Variants in HPSE2 observed in about 807,000 individuals in gnomAD.
HPSE2 encodes the protein inactive heparanase-2.
A neutral mutation model predicts 60.5 loss-of-function variants in HPSE2; 38 were observed. The ratio of observed to expected loss-of-function variants is 0.63; its 90% CI spans 0.48 to 0.82. The LOEUF (loss-of-function observed/expected upper bound fraction) is 0.82. Among genes scored for constraint, HPSE2 ranks in the 40% least tolerant of loss-of-function variants. HPSE2 has a pLI of 0.00. For missense variants in HPSE2, 713 were observed against 740.4 expected, an observed-to-expected ratio of 0.96 and a Z score of 0.43; for synonymous variants, 295 against 293.2, an observed-to-expected ratio of 1.01 and a Z score of -0.06.
At chr10:98,597,818 A>T (rs1201804356) in intron 9 of HPSE2, among the ~76,000 whole-genome samples, 1 of 151,670 alleles carries the variant, frequency 6.6e-6, no homozygotes, top group African/African-American at 2.4e-5. Context: ...TAAAAATACA[A>T]AAATTAGCTG....
chr10:99,184,843 G>GCCT (rs1847939786), intron 2 of HPSE2, among the ~76,000 whole-genome samples: 1 of 103,214 alleles, frequency 9.7e-6, no homozygotes, highest in Non-Finnish European at 2.3e-5. Flanking sequence ...GAGAGAGAGA[G>GCCT]AGAGAGAGAG....
chr10:98,560,401 C>T (rs540419497), intron 9 of HPSE2, among the ~76,000 whole-genome samples: 102 of 152,296 alleles, frequency 6.7e-4, no homozygotes, highest in Admixed American at 2.2e-3. Flanking sequence ...TGGAGGAAGG[C>T]GCAAAGCCAC....
chr10:98,623,896 G>A (rs555391796), intron 7 of HPSE2, among the ~76,000 whole-genome samples: 1 of 152,212 alleles, frequency 6.6e-6, no homozygotes, highest in South Asian at 2.1e-4. Flanking sequence ...ACAAAGATCT[G>A]GGCTGGAGGA....
chr10:98,593,192 A>G (rs1317811610), intron 9 of HPSE2, among the ~76,000 whole-genome samples: 1 of 152,218 alleles, frequency 6.6e-6, no homozygotes, highest in African/African-American at 2.4e-5. Flanking sequence ...TAAATGTAAC[A>G]TATAATCAAA....
rs895645193 is a variant in HPSE2, at chr10:98,902,754, G to A, written c.611-158698C>T. Among the ~76,000 whole-genome samples, 5 of 152,226 alleles carry A rather than the reference G, an allele frequency of 3.3e-5. No individual in the cohort carries two copies. In the East Asian group the frequency reaches 9.6e-4, roughly 29 times the overall value. On this transcript the variant is annotated intron_variant, in intron 3 of 11. Coordinates refer to ENST00000370552, the MANE Select transcript of HPSE2 (RefSeq NM_021828.5). Reference sequence around the variant, plus strand: ...CCCTACATACAAATAATAAATTTTAGTTAATGATATGCATGCTAAAATGTT... The same window carrying A: ...CCCTACATACAAATAATAAATTTTAATTAATGATATGCATGCTAAAATGTT...
chr10:98,706,614 T>C (rs1948554329), intron 5 of HPSE2, among the ~76,000 whole-genome samples: 1 of 152,156 alleles, frequency 6.6e-6, no homozygotes, highest in South Asian at 2.1e-4. Context: ...AAGAAAACCT[T>C]CATATTGTCT....
intron 9 of HPSE2, among the ~76,000 whole-genome samples, chr10:98,558,771 G>A (rs1482713855): frequency 6.6e-6 from 1 of 152,154 alleles, no homozygotes; most frequent in Non-Finnish European, 1.5e-5. Context: ...TCAACAAAAA[G>A]TTTTTGAAAA....
intron 5 of HPSE2, among the ~76,000 whole-genome samples, chr10:98,697,780 G>T (rs1290201089): frequency 1.3e-5 from 2 of 152,140 alleles, no homozygotes; most frequent in Admixed American, 1.3e-4. Flanking sequence ...CACCTACAAA[G>T]GGACTACAAT....
intron 6 of HPSE2, among the ~76,000 whole-genome samples, chr10:98,688,673 A>G (rs1327111650): frequency 1.3e-5 from 2 of 151,038 alleles, no homozygotes; most frequent in Non-Finnish European, 3.0e-5. Context: ...ACAGGGTTTC[A>G]CCATGTTTAT....
At chr10:99,287,401 C>T in the HPSE2 span, among the ~76,000 whole-genome samples, 1 of 152,022 alleles carries the variant, frequency 6.6e-6, no homozygotes, top group South Asian at 2.1e-4. Flanking sequence ...ATGGAGTGTC[C>T]AAGCAAAGAC....
intron 3 of HPSE2, among the ~76,000 whole-genome samples, chr10:98,771,667 A>T (rs1411460368): frequency 4.6e-5 from 7 of 152,204 alleles, no homozygotes. Context: ...GAGCTTGATC[A>T]AGGGGGCCAG....
intron 3 of HPSE2, among the ~76,000 whole-genome samples, chr10:98,946,082 G>A (rs533037372): frequency 4.6e-5 from 7 of 152,120 alleles, no homozygotes; most frequent in African/African-American, 1.7e-4. Flanking sequence ...AGGTTGTGAT[G>A]AGCACATAAA....
chr10:99,074,429 T>C (rs1373455448), intron 3 of HPSE2, among the ~76,000 whole-genome samples: 2 of 152,218 alleles, frequency 1.3e-5, no homozygotes, highest in Non-Finnish European at 2.9e-5. Flanking sequence ...TGTATTTTCC[T>C]ATTAATGTGC....
At chr10:98,910,952 T>C (rs1953960983) in intron 3 of HPSE2, among the ~76,000 whole-genome samples, 1 of 151,938 alleles carries the variant, frequency 6.6e-6, no homozygotes. Context: ...GAAATTTCTA[T>C]CTCCACCAGA....
the HPSE2 span, among the ~76,000 whole-genome samples, chr10:99,289,516 C>G: frequency 7.2e-6 from 1 of 138,852 alleles, no homozygotes; most frequent in African/African-American, 2.8e-5. Context: ...ATTGAGTCAT[C>G]TTCTTGAAAG....
At chr10:99,252,057 A>AT in the HPSE2 span, among the ~76,000 whole-genome samples, 3 of 152,010 alleles carry the variant, frequency 2.0e-5, no homozygotes, top group African/African-American at 7.3e-5. Flanking sequence ...ACATACATAC[A>AT]AACAAAAAAC....
At chr10:98,877,977 T>A (rs1173427952) in intron 3 of HPSE2, among the ~76,000 whole-genome samples, 1 of 151,794 alleles carries the variant, frequency 6.6e-6, no homozygotes, top group East Asian at 1.9e-4. Flanking sequence ...CAGGGAGAAA[T>A]AAAATCCAAA....
At chr10:98,571,792 G>A (rs1253461857) in intron 9 of HPSE2, among the ~76,000 whole-genome samples, 1 of 152,154 alleles carries the variant, frequency 6.6e-6, no homozygotes, top group African/African-American at 2.4e-5. Context: ...AGGCGAGGGA[G>A]GGTCTTTCAG....
chr10:99,186,542 CAAAAAAAAAAAAAAA>C (rs60186369), intron 2 of HPSE2, among the ~76,000 whole-genome samples: 6 of 59,456 alleles, frequency 1.0e-4, no homozygotes, highest in African/African-American at 2.4e-4. Context: ...GACTCCATCT[CAAAAAAAAAAAAAAA>C]AAAAAAAAAA....
Sources: allele counts gnomAD v4.1 joint callset (sites outside exome capture counted in the v4.1 genomes callset), GRCh38; gene constraint gnomAD v4.1.1; transcripts MANE v1.5; gene names NCBI Gene and HGNC (gene_info 2026-07-23, HGNC 2026-07-21).